Variants in RFFL observed in about 807,000 individuals in gnomAD.
RFFL encodes E3 ubiquitin-protein ligase rififylin.
In RFFL, 16 loss-of-function variants were observed where a neutral mutation model predicts 40.4. The observed-to-expected ratio is 0.40, with a 90% CI of 0.27 to 0.60. The LOEUF is 0.60. Ranked by LOEUF, RFFL falls within the 20% of genes least tolerant of loss-of-function variation. The probability of loss-of-function intolerance (pLI) is 0.47; values close to 1 mark genes in which losing one functional copy is unlikely to be tolerated. For missense variants in RFFL, 367 were observed against 451.7 expected, an observed-to-expected ratio of 0.81 and a Z score of 1.70; for synonymous variants, 154 against 167.9, an observed-to-expected ratio of 0.92 and a Z score of 0.64.
Position 35,026,273 on chromosome 17 carries a change from C to T in RFFL, c.180+101G>A, listed in dbSNP as rs145027176. 2,797 of 1,203,806 alleles carry T rather than the reference C, an allele frequency of 2.3e-3. 17 individuals are homozygous for T. In the Middle Eastern group the frequency reaches 0.024, roughly 10 times the overall value. 74.6% of individuals were successfully genotyped at this position (1,203,806 alleles called of 1,614,324 possible). A position where few individuals can be genotyped will look rare whatever the true frequency, so the allele number is the denominator to read the frequency against. ...GGACAGCTCTGGGTCACCAGCATCA[C>T]ACAGGGAAAGGAAAGGTTGCAGGCA... On this transcript the variant is annotated intron_variant, in intron 2 of 6. Coordinates refer to ENST00000394597, the MANE Select transcript of RFFL (RefSeq NM_001017368.2).
At chr17:35,048,771 C>T (rs926821457) in intron 1 of RFFL, among the ~76,000 whole-genome samples, 3 of 152,192 alleles carry the variant, frequency 2.0e-5, no homozygotes, top group Admixed American at 6.5e-5. Flanking sequence ...ATTGCTTGCA[C>T]TGCACTGAAG....
At chr17:35,088,605 C>G (rs960910578) in intron 1 of RFFL, 1 of 152,450 alleles carries the variant, frequency 6.6e-6, no homozygotes, top group Non-Finnish European at 1.5e-5. Context: ...AACAGTGGAC[C>G]CTGCGGGGAG....
chr17:35,046,654 T>G (rs2142351972), intron 1 of RFFL, among the ~76,000 whole-genome samples: 1 of 152,370 alleles, frequency 6.6e-6, no homozygotes, highest in East Asian at 1.9e-4. Context: ...CTGAAAGACA[T>G]ACATAATAAT....
rs2091430935 is a variant in RFFL at position 35,086,531 on chromosome 17, A to G, written c.-9+2574T>C. The stretch of plus-strand genomic sequence containing the variant: ...TTACAATTGCCAAAATCTTTCTTAC[A>G]CAAACACCAAATAACCATTACCAAT... On this transcript the variant is annotated intron_variant, in intron 1 of 6. Transcript: ENST00000315249. Among the ~76,000 whole-genome samples, 8 of 152,232 alleles carry G rather than the reference A, an allele frequency of 5.3e-5. No individual in the cohort carries two copies. The South Asian group carries it at 1.7e-3, about 32-fold the overall frequency.
chr17:35,032,776 G>C (rs1341353240), intron 1 of RFFL, among the ~76,000 whole-genome samples: 1 of 151,994 alleles, frequency 6.6e-6, no homozygotes, highest in Non-Finnish European at 1.5e-5. Flanking sequence ...GGCAAGCAGG[G>C]GAAAGCCCAC....
intron 1 of RFFL, among the ~76,000 whole-genome samples, chr17:35,071,555 T>C (rs188218915): frequency 5.3e-5 from 8 of 151,746 alleles, no homozygotes; most frequent in African/African-American, 1.9e-4. Flanking sequence ...GAGGCAGAGG[T>C]TGCAGTGAGC....
chr17:35,011,060 A>G lies in RFFL; in HGVS notation c.*908T>C, dbSNP rs1400847303. On this transcript the variant is annotated 3_prime_UTR_variant, in exon 7 of 7. Coordinates refer to ENST00000394597, the MANE Select transcript of RFFL (RefSeq NM_001017368.2). ...AAGGGAGGGATTTCATTTTCAGCGA[A>G]AAGTGGCTTAAGACTTCTAGTTGGG... 2 of 152,254 alleles carry G rather than the reference A, an allele frequency of 1.3e-5. No homozygotes were observed. The highest frequency in any genetic ancestry group is 2.9e-5 in the Non-Finnish European group (2 of 68,040). 9.4% of individuals were successfully genotyped at this position (152,254 alleles called of 1,614,324 possible).
At chr17:35,035,682 CAT>C (rs1351549259) in intron 1 of RFFL, among the ~76,000 whole-genome samples, 11 of 148,390 alleles carry the variant, frequency 7.4e-5, no homozygotes, top group Non-Finnish European at 1.2e-4. Context: ...TATTTTACTC[CAT>C]ATATATATGT....
In RFFL at chr17:35,021,659, G is replaced by T. The variant is rs757476826; in HGVS notation, c.303C>A (p.Leu101=). The stretch of plus-strand genomic sequence containing the variant: ...TCAAGTCCTTCACCTTCATCTTCAT[G>T]AGCTCCTCTCGCTGAAAGGCTGTAG... The part of the protein sequence containing the change: ...FRATAFQREE[L]MKMKVKDLRD... The change falls in exon 3 of 7, where the codon CTC becomes CTA. Residue 101 remains leucine, a synonymous_variant. Transcript: ENST00000394597. 3.7e-6 allele frequency: 6 copies of T among 1,614,112 alleles called. No individual in the cohort carries two copies. In the East Asian group the frequency reaches 1.1e-4, roughly 30 times the overall value.
At chr17:35,025,983 T>A (rs538516420) in intron 2 of RFFL, among the ~76,000 whole-genome samples, 1 of 152,374 alleles carries the variant, frequency 6.6e-6, no homozygotes, top group African/African-American at 2.4e-5. Flanking sequence ...GGAAATAACA[T>A]CAAGTGCCTA....
chr17:35,021,102 A>T (rs1335615357), intron 3 of RFFL, among the ~76,000 whole-genome samples: 4 of 152,216 alleles, frequency 2.6e-5, no homozygotes, highest in African/African-American at 7.2e-5. Flanking sequence ...TTCTGGAATG[A>T]TGAACTTTAA....
chr17:35,038,286 CAAAA>C (rs33952696), intron 1 of RFFL, among the ~76,000 whole-genome samples: 6 of 99,334 alleles, frequency 6.0e-5, no homozygotes, highest in Admixed American at 1.1e-4. Context: ...AAAACTGTCT[CAAAA>C]AAAAAAAAAA....
In RFFL at chr17:35,044,145, T is replaced by C. The variant is rs542146480; in HGVS notation, c.-8-17584A>G. 6.8e-4 allele frequency among the ~76,000 whole-genome samples: 103 copies of C among 152,308 alleles called. No homozygotes were observed. The South Asian group carries it at 0.011, about 17-fold the overall frequency. ...TCTCTGTCACCCAGCCTGGAGTGCA[T>C]TGGCACCATCATAGCAAACTGTAGC... is the stretch of plus-strand genomic sequence containing the variant. On this transcript the variant is annotated intron_variant, in intron 1 of 6. Transcript: ENST00000394597.
intron 1 of RFFL, among the ~76,000 whole-genome samples, chr17:35,045,291 A>G (rs999163781): frequency 1.3e-5 from 2 of 151,782 alleles, no homozygotes; most frequent in Non-Finnish European, 2.9e-5. Flanking sequence ...AGAGTGCAGT[A>G]GCATGATCTC....
upstream of RFFL, among the ~76,000 whole-genome samples, chr17:35,067,447 C>T (rs999090771): frequency 6.1e-5 from 9 of 148,140 alleles, no homozygotes; most frequent in Middle Eastern, 6.9e-3. Context: ...GTATCTCTCT[C>T]TTCCAAGCCT....
chr17:35,052,194 T>G (rs1295442210), intron 1 of RFFL, among the ~76,000 whole-genome samples: 3 of 152,212 alleles, frequency 2.0e-5, no homozygotes, highest in Admixed American at 2.0e-4. Flanking sequence ...CATCCCACAC[T>G]GTGAATAAAA....
rs1376029894 is a variant in RFFL at position 35,019,325 on chromosome 17, T to C, written c.592-1719A>G. Among the ~76,000 whole-genome samples, 6 of 152,322 alleles carry C rather than the reference T, an allele frequency of 3.9e-5. No homozygotes were observed. In the East Asian group the frequency reaches 9.6e-4, roughly 24 times the overall value. ...GTGCAATCTGGAAATTTCTGGTTAA[T>C]GACAGGAAGCTTATCATCTTTCATT... On this transcript the variant is annotated intron_variant, in intron 3 of 6. Coordinates refer to ENST00000394597, the MANE Select transcript of RFFL (RefSeq NM_001017368.2).
At chr17:35,071,858 T>C (rs371403391) in intron 1 of RFFL, among the ~76,000 whole-genome samples, 7 of 152,244 alleles carry the variant, frequency 4.6e-5, no homozygotes, top group African/African-American at 1.7e-4. Flanking sequence ...CACCATGGAA[T>C]ACTACTCAGA....
chr17:35,040,229 C>G (rs938382273), intron 1 of RFFL, among the ~76,000 whole-genome samples: 1 of 152,200 alleles, frequency 6.6e-6, no homozygotes, highest in Admixed American at 6.5e-5. Flanking sequence ...TGCTTCTTAC[C>G]CCTCCCTCTG....
Sources: allele counts gnomAD v4.1 joint callset (sites outside exome capture counted in the v4.1 genomes callset), GRCh38; gene constraint gnomAD v4.1.1; transcripts MANE v1.5; gene names NCBI Gene and HGNC (gene_info 2026-07-23, HGNC 2026-07-21).